GPLD1: variants seen among roughly 807,000 people sequenced by gnomAD.
GPLD1 encodes the protein phosphatidylinositol-glycan-specific phospholipase D.
Under a neutral mutation model 112.6 loss-of-function variants are expected in GPLD1, and 84 were observed. The observed-to-expected ratio is 0.75, with a 90% CI of 0.63 to 0.89. GPLD1 has a LOEUF of 0.89. Ranked by LOEUF, GPLD1 falls within the 40% of genes least tolerant of loss-of-function variation. The pLI is 0.00. For synonymous variants in GPLD1, 386 were observed against 403.8 expected (o/e 0.96, Z 0.53); for missense variants, 1,044 against 1,051.5 (o/e 0.99, Z 0.10).
At chr6:24,478,434 G>A (rs1337671374) in intron 3 of GPLD1, among the ~76,000 whole-genome samples, 3 of 152,088 alleles carry the variant, frequency 2.0e-5, no homozygotes. Context: ...TAAAGGAATG[G>A]GATAATAGCA....
At chr6:24,489,593 A>C, upstream of GPLD1, 1 of 1,592,242 alleles carries the variant, frequency 6.3e-7, no homozygotes, top group Non-Finnish European at 8.5e-7. Flanking sequence ...ATCCAGGTGC[A>C]GACCCACCGC....
intron 24 of GPLD1, among the ~76,000 whole-genome samples, chr6:24,432,168 G>A (rs1762423519): frequency 6.7e-6 from 1 of 148,704 alleles, no homozygotes; most frequent in Non-Finnish European, 1.5e-5. Flanking sequence ...GATCACTTGA[G>A]TCCAGGAGAC....
chr6:24,456,681 A>T, intron 12 of GPLD1, 44 bp from the exon 13 acceptor site: 1 of 1,381,998 alleles, frequency 7.2e-7, no homozygotes, highest in South Asian at 1.3e-5. Context: ...CACGTAGCAT[A>T]ATCAACAAAG....
intron 2 of GPLD1, among the ~76,000 whole-genome samples, chr6:24,481,198 C>T (rs1399334737): frequency 6.6e-6 from 1 of 152,192 alleles, no homozygotes; most frequent in African/African-American, 2.4e-5. Context: ...CCTGCTCCTG[C>T]AGTTCCCACA....
upstream of GPLD1, chr6:24,489,736 G>T: frequency 1.6e-6 from 1 of 632,312 alleles, no homozygotes; most frequent in Non-Finnish European, 2.5e-6. Flanking sequence ...CTCCTGGGGG[G>T]TGGGGTTGGG....
In GPLD1 at chr6:24,475,120, C is replaced by T; in HGVS notation, c.441+1G>A. 6.6e-7 allele frequency: 1 copy of T among 1,503,824 alleles called. No individual in the cohort carries two copies. Among genetic ancestry groups the T allele is most frequent in the Non-Finnish European group, 9.3e-7 (1 of 1,079,098 alleles). The allele number at this position is 1,503,824 out of a possible 1,614,324, so 93.2% of individuals were successfully genotyped here. A position where few individuals can be genotyped will look rare whatever the true frequency, so the allele number is the denominator to read the frequency against. On this transcript the variant is annotated splice_donor_variant, in intron 5 of 24. Transcript: ENST00000230036. LOFTEE classifies it high-confidence loss of function. ...CATTCCCCATAAAGGGATGTACTCA[C>T]AGCTCCCATGGTCCTAAGGAATCCT... is the stretch of plus-strand genomic sequence containing the variant.
chr6:24,438,432 TGC>T, intron 20 of GPLD1, among the ~76,000 whole-genome samples: 1 of 152,304 alleles, frequency 6.6e-6, no homozygotes, highest in South Asian at 2.1e-4. Context: ...AAAGTGTCAG[TGC>T]GTGGATACAA....
rs918423794 is a variant in GPLD1 at position 24,426,643 on chromosome 6, C to T, written c.*2389G>A. On this transcript the variant is annotated 3_prime_UTR_variant, in exon 25 of 25. Transcript: ENST00000230036. ...AAAACTGACACTATATAAATGCATC[C>T]GTCTAATGAAAAGACCCAGTACTGA... is the stretch of plus-strand genomic sequence containing the variant. Among the ~76,000 whole-genome samples, 1 of 152,066 alleles carries T rather than the reference C, an allele frequency of 6.6e-6. No individual in the cohort carries two copies. The highest frequency in any genetic ancestry group is 1.5e-5 in the Non-Finnish European group (1 of 68,028).
chr6:24,474,895 G>A (rs371644509), intron 5 of GPLD1, among the ~76,000 whole-genome samples: 222 of 150,550 alleles, frequency 1.5e-3, no homozygotes, highest in African/African-American at 2.5e-3. Flanking sequence ...AGCCAAGATC[G>A]CGCCTTCGCA....
chr6:24,491,150 GTCCCCACCA>G (rs1209289805), upstream of GPLD1, among the ~76,000 whole-genome samples: 1 of 152,144 alleles, frequency 6.6e-6, no homozygotes, highest in African/African-American at 2.4e-5. Context: ...TGCTCCTCCA[GTCCCCACCA>G]TCCATGCAAT....
In GPLD1 at chr6:24,437,210, G is replaced by A. The variant is rs1194999604; in HGVS notation, c.2100C>T (p.Asp700=). Residue 700 remains aspartate, a synonymous_variant, in exon 21 of 25, where the codon GAC becomes GAT. Transcript: ENST00000230036. ...AGGTGCTGAGCAGCAGAGGCTGCGC[G>A]TCAGATGTGAGTGCGTACATGCGAG... ...GATRMYALTS[D]AQPLLLSTFS... The A allele has an allele frequency of 1.9e-5, 31 of 1,613,922 alleles. 1 individual carries two copies. Among genetic ancestry groups the A allele is most frequent in the African/African-American group, 1.9e-4 (14 of 74,948 alleles).
intron 1 of GPLD1, 45 bp from the exon 2 acceptor site, chr6:24,486,175 G>A (rs1358076006): frequency 9.0e-7 from 1 of 1,108,366 alleles, no homozygotes; most frequent in Non-Finnish European, 1.4e-6. Context: ...AACTATTACT[G>A]AAAACATAAC....
chr6:24,452,483 A>G (rs1296410409), intron 14 of GPLD1, among the ~76,000 whole-genome samples: 1 of 152,122 alleles, frequency 6.6e-6, no homozygotes, highest in Non-Finnish European at 1.5e-5. Flanking sequence ...TATTTTTGAA[A>G]GCGTGTTCAT....
intron 4 of GPLD1, among the ~76,000 whole-genome samples, chr6:24,475,882 C>CCA (rs66807337): frequency 0.021 from 3,124 of 150,918 alleles, 72 homozygotes; most frequent in African/African-American, 0.057. Flanking sequence ...AGAAACAAAA[C>CCA]CACACACACA....
intron 14 of GPLD1, among the ~76,000 whole-genome samples, chr6:24,451,946 G>A (rs371183807): frequency 2.6e-4 from 39 of 152,334 alleles, no homozygotes; most frequent in African/African-American, 8.4e-4. Flanking sequence ...CTACGGGCCA[G>A]CCAGTCATTC....
At chr6:24,437,941 A>G (rs566655423) in intron 20 of GPLD1, among the ~76,000 whole-genome samples, 57 of 152,272 alleles carry the variant, frequency 3.7e-4, no homozygotes, top group South Asian at 2.7e-3. Context: ...CCCATACATA[A>G]TAACACCGAG....
intron 4 of GPLD1, 139 bp from the exon 5 acceptor site, chr6:24,475,370 T>A (rs73386127): frequency 1.6e-6 from 1 of 621,898 alleles, no homozygotes; most frequent in Non-Finnish European, 2.9e-6. Flanking sequence ...TTGCAGTTTC[T>A]AGTTATTAAA....
At chr6:24,436,215 C>A (rs1053128780) in intron 22 of GPLD1, among the ~76,000 whole-genome samples, 1 of 152,084 alleles carries the variant, frequency 6.6e-6, no homozygotes, top group African/African-American at 2.4e-5. Flanking sequence ...ATGATCACAC[C>A]ACTGCACTCC....
upstream of GPLD1, chr6:24,495,221 C>A (rs1581800805): frequency 6.6e-7 from 1 of 1,512,828 alleles, no homozygotes; most frequent in South Asian, 1.2e-5. Flanking sequence ...CCGCCGCCAC[C>A]TTCCCCGTGC....
Sources: allele counts gnomAD v4.1 joint callset (sites outside exome capture counted in the v4.1 genomes callset), GRCh38; gene constraint gnomAD v4.1.1; transcripts MANE v1.5; gene names NCBI Gene and HGNC (gene_info 2026-07-23, HGNC 2026-07-21).